Variants in C12orf42 observed in about 807,000 individuals in gnomAD.
C12orf42 encodes chromosome 12 open reading frame 42.
A neutral mutation model predicts 21.6 loss-of-function variants in C12orf42; 25 were observed. That is an observed-to-expected ratio of 1.16 (90% CI 0.84 to 1.62). The LOEUF (loss-of-function observed/expected upper bound fraction) is 1.62. Among genes scored for constraint, C12orf42 ranks in the 40% most tolerant of loss-of-function variants. The probability of loss-of-function intolerance (pLI) is 0.00; values close to 1 mark genes in which losing one functional copy is unlikely to be tolerated. For missense variants in C12orf42, 483 were observed against 459.3 expected, an observed-to-expected ratio of 1.05 and a Z score of -0.47; for synonymous variants, 174 against 175.0, an observed-to-expected ratio of 0.99 and a Z score of 0.05.
chr12:103,450,968 T>C (rs1055624073), intron 2 of C12orf42, among the ~76,000 whole-genome samples: 1 of 152,098 alleles, frequency 6.6e-6, no homozygotes, highest in Non-Finnish European at 1.5e-5. Context: ...CTTTTATACA[T>C]CTGATTCCAT....
chr12:103,474,454 A>ATGTGTATGTGTATG (rs71097981), intron 2 of C12orf42, among the ~76,000 whole-genome samples: 3 of 149,376 alleles, frequency 2.0e-5, no homozygotes, highest in African/African-American at 7.4e-5. Context: ...GTATGTATGT[A>ATGTGTATGTGTATG]TGTGTGTGTG....
chr12:103,062,476 G>T, the C12orf42 span, among the ~76,000 whole-genome samples: 1 of 151,268 alleles, frequency 6.6e-6, no homozygotes, highest in East Asian at 1.9e-4. Context: ...TTTTCTTCTG[G>T]TTTCTTTTGT....
the C12orf42 span, among the ~76,000 whole-genome samples, chr12:103,518,449 G>A: frequency 2.6e-5 from 4 of 152,018 alleles, no homozygotes; most frequent in South Asian, 4.1e-4. Flanking sequence ...CATTGCCCCC[G>A]CCATGCCCAG....
chr12:103,141,540 T>TTG, the C12orf42 span, among the ~76,000 whole-genome samples: 43,186 of 149,826 alleles, frequency 0.29, 6,701 homozygotes, highest in East Asian at 0.46. Flanking sequence ...TTTTTTTTTT[T>TTG]TTTTTTGAGA....
intron 3 of C12orf42, among the ~76,000 whole-genome samples, chr12:103,377,789 T>C (rs2045834472): frequency 6.6e-6 from 1 of 152,066 alleles, no homozygotes; most frequent in Non-Finnish European, 1.5e-5. Context: ...TTCTGGGGGG[T>C]AGCATGAATT....
chr12:103,288,511 A>T (rs1373953176), intron 4 of C12orf42, among the ~76,000 whole-genome samples: 1 of 152,204 alleles, frequency 6.6e-6, no homozygotes, highest in Admixed American at 6.5e-5. Flanking sequence ...TGAAAACTGC[A>T]AGCACTTTTA....
intron 10 of C12orf42, among the ~76,000 whole-genome samples, chr12:103,257,946 A>G (rs1310438276): frequency 6.6e-5 from 10 of 152,190 alleles, no homozygotes; most frequent in Non-Finnish European, 1.2e-4. Context: ...TTAAAATCCT[A>G]TGGTCATCTA....
the C12orf42 span, among the ~76,000 whole-genome samples, chr12:103,172,993 T>C: frequency 2.0e-5 from 3 of 152,140 alleles, no homozygotes; most frequent in Admixed American, 1.3e-4. Context: ...GGTTTTGAAG[T>C]GTGTGTCCAC....
At chr12:103,538,253 C>T in the C12orf42 span, among the ~76,000 whole-genome samples, 1 of 152,126 alleles carries the variant, frequency 6.6e-6, no homozygotes, top group Non-Finnish European at 1.5e-5. Context: ...AAGCTGCTAG[C>T]TGGGAAGAAA....
chr12:103,256,033 A>G (rs1035542773), intron 10 of C12orf42, among the ~76,000 whole-genome samples: 1 of 122,712 alleles, frequency 8.1e-6, no homozygotes, highest in African/African-American at 3.2e-5. Flanking sequence ...AGCCTGGGCG[A>G]AAGAGCGAGA....
At chr12:103,424,257 T>C (rs773128656) in intron 2 of C12orf42, among the ~76,000 whole-genome samples, 2 of 152,262 alleles carry the variant, frequency 1.3e-5, no homozygotes, top group Non-Finnish European at 2.9e-5. Flanking sequence ...ACTGAATCTG[T>C]ATCTCTGGGG....
chr12:103,064,540 T>C, the C12orf42 span, among the ~76,000 whole-genome samples: 1 of 152,222 alleles, frequency 6.6e-6, no homozygotes, highest in African/African-American at 2.4e-5. Flanking sequence ...AAAAGACTAA[T>C]TTGAATTATA....
the C12orf42 span, among the ~76,000 whole-genome samples, chr12:103,166,395 A>G: frequency 2.6e-5 from 4 of 152,364 alleles, no homozygotes; most frequent in Admixed American, 2.6e-4. Context: ...ATTCTCAAGA[A>G]TGAGACACTC....
chr12:103,122,659 G>C, the C12orf42 span, among the ~76,000 whole-genome samples: 1 of 152,182 alleles, frequency 6.6e-6, no homozygotes, highest in Non-Finnish European at 1.5e-5. Flanking sequence ...CAGGAGAAAT[G>C]TGAGGGCTGA....
chr12:103,324,128 A>G lies in C12orf42; in HGVS notation c.260-17783T>C, dbSNP rs1412822519. Among the ~76,000 whole-genome samples, 63 of 152,200 alleles carry G rather than the reference A, an allele frequency of 4.1e-4. 1 individual carries two copies. Among genetic ancestry groups the G allele is most frequent in the Admixed American group, 4.1e-3 (62 of 15,276 alleles). The stretch of plus-strand genomic sequence containing the variant: ...TTAGCATTGAAGTGTGTATGTGTCA[A>G]CTGCACTTTTAGGAGATGTCATTTT... On this transcript the variant is annotated intron_variant, in intron 4 of 5. Coordinates refer to ENST00000548883, the MANE Select transcript of C12orf42 (RefSeq NM_198521.5).
chr12:103,061,067 G>A, the C12orf42 span, among the ~76,000 whole-genome samples: 3 of 152,262 alleles, frequency 2.0e-5, no homozygotes, highest in South Asian at 6.2e-4. Flanking sequence ...CTCATTCTCT[G>A]TTAATGCTTG....
intron 10 of C12orf42, among the ~76,000 whole-genome samples, chr12:103,255,365 C>T (rs946920530): frequency 1.3e-5 from 2 of 151,938 alleles, no homozygotes; most frequent in African/African-American, 2.4e-5. Context: ...AGCAACACTC[C>T]GTCTCAACAA....
the C12orf42 span, chr12:103,557,554 GC>G: frequency 6.6e-6 from 1 of 152,116 alleles, no homozygotes; most frequent in Non-Finnish European, 1.5e-5. Flanking sequence ...AGGAACAAAA[GC>G]CCCCAGGAGT....
chr12:103,430,217 G>T (rs1950165263), intron 2 of C12orf42, among the ~76,000 whole-genome samples: 1 of 152,006 alleles, frequency 6.6e-6, no homozygotes, highest in African/African-American at 2.4e-5. Context: ...TATCCATCTG[G>T]CAAAGGGCTA....
Sources: allele counts gnomAD v4.1 joint callset (sites outside exome capture counted in the v4.1 genomes callset), GRCh38; gene constraint gnomAD v4.1.1; transcripts MANE v1.5; gene names NCBI Gene and HGNC (gene_info 2026-07-23, HGNC 2026-07-21).